The following XRCC4 variants were observed in gnomAD, a reference collection of about 807,000 sequenced individuals.
The protein encoded by XRCC4 is X-ray repair cross complementing 4, also known as DNA repair protein XRCC4.
XRCC4 carries 28 observed loss-of-function variants against 39.1 expected under a neutral mutation model. The ratio of observed to expected loss-of-function variants is 0.72; its 90% CI spans 0.53 to 0.98. XRCC4 has a LOEUF of 0.98. Among genes scored for constraint, XRCC4 ranks in the 50% least tolerant of loss-of-function variants. The pLI, the probability that XRCC4 is intolerant of heterozygous loss-of-function variation, is 0.00. For missense variants in XRCC4, 350 were observed against 376.4 expected, an observed-to-expected ratio of 0.93 and a Z score of 0.58; for synonymous variants, 123 against 126.4, an observed-to-expected ratio of 0.97 and a Z score of 0.18.
At chr5:83,259,693 AT>A (rs1753682769) in intron 7 of XRCC4, among the ~76,000 whole-genome samples, 1 of 152,222 alleles carries the variant, frequency 6.6e-6, no homozygotes, top group African/African-American at 2.4e-5. Flanking sequence ...CATTCATATT[AT>A]CATATACTGG....
At chr5:83,126,130 T>A (rs1747252434) in intron 3 of XRCC4, among the ~76,000 whole-genome samples, 1 of 151,746 alleles carries the variant, frequency 6.6e-6, no homozygotes, top group African/African-American at 2.4e-5. Context: ...TTAAAAAAAT[T>A]GAGTCATAGA....
At chr5:83,251,776 G>A (rs1753327985) in intron 6 of XRCC4, among the ~76,000 whole-genome samples, 2 of 152,088 alleles carry the variant, frequency 1.3e-5, no homozygotes, top group South Asian at 4.1e-4. Context: ...TAAGAGAGGA[G>A]GCTGACATTT....
downstream of XRCC4, among the ~76,000 whole-genome samples, chr5:83,354,748 C>G (rs1757170695): frequency 6.6e-6 from 1 of 152,110 alleles, no homozygotes; most frequent in Admixed American, 6.6e-5. Flanking sequence ...AAGCTAAAAA[C>G]CCAGGAATCT....
the XRCC4 span, among the ~76,000 whole-genome samples, chr5:83,359,140 C>T: frequency 3.3e-4 from 50 of 152,236 alleles, no homozygotes; most frequent in South Asian, 7.7e-3. Flanking sequence ...GCAAATGACC[C>T]ACGCTGCAGT....
rs539042042 is a variant in XRCC4 at position 83,227,981 on chromosome 5, A to G, written c.745+23060A>G. Among the ~76,000 whole-genome samples the G allele has an allele frequency of 1.7e-3, 252 of 152,160 alleles. 1 individual carries two copies. Among genetic ancestry groups the G allele is most frequent in the Non-Finnish European group, 1.6e-3 (108 of 67,964 alleles). The stretch of plus-strand genomic sequence containing the variant: ...AAGGTGTCCTCTCTGAGAATGAACA[A>G]AAATGGTTTTCTTTAAGGGGAGGAG... On this transcript the variant is annotated intron_variant, in intron 6 of 7. Transcript: ENST00000396027.
At chr5:83,097,772 G>A (rs1040672896) in intron 1 of XRCC4, among the ~76,000 whole-genome samples, 32 of 152,078 alleles carry the variant, frequency 2.1e-4, no homozygotes, top group African/African-American at 6.0e-4. Context: ...TCATTCTCAC[G>A]TGAAACTGCA....
At chr5:83,245,478 T>C (rs1753066530) in intron 6 of XRCC4, among the ~76,000 whole-genome samples, 1 of 152,080 alleles carries the variant, frequency 6.6e-6, no homozygotes, top group Non-Finnish European at 1.5e-5. Flanking sequence ...AATATGTAGC[T>C]ACTAGAAACC....
At chr5:83,105,171 A>G (rs1746139948) in intron 2 of XRCC4, 113 bp downstream of exon 2, 1 of 1,037,358 alleles carries the variant, frequency 9.6e-7, no homozygotes, top group Non-Finnish European at 1.4e-6. Context: ...TTTACTTGCT[A>G]TTGCTGTCAA....
intron 2 of XRCC4, among the ~76,000 whole-genome samples, chr5:83,106,648 G>T: frequency 6.6e-6 from 1 of 151,692 alleles, no homozygotes; most frequent in African/African-American, 2.4e-5. Flanking sequence ...TTACATTTAT[G>T]GAACATTTCG....
chr5:83,186,773 A>AC (rs1750457214), intron 3 of XRCC4, among the ~76,000 whole-genome samples: 2 of 152,104 alleles, frequency 1.3e-5, no homozygotes, highest in Non-Finnish European at 2.9e-5. Flanking sequence ...ACTTAACATA[A>AC]ATATATATTT....
At chr5:83,084,611 A>G (rs527243921) in intron 1 of XRCC4, among the ~76,000 whole-genome samples, 1 of 152,222 alleles carries the variant, frequency 6.6e-6, no homozygotes, top group South Asian at 2.1e-4. Flanking sequence ...GGGAAATCCC[A>G]GAGTGTTTAA....
At position 83,199,215 on chromosome 5, in the gene XRCC4, T is replaced by C. The variant is rs557797204; in HGVS notation, c.482+3279T>C. ...AAAGACCTCAAGAGATATCTTCATCTCCTCTTGATAGCCCGTTACAGTGTT... is the reference window on the plus strand; with the variant it reads ...AAAGACCTCAAGAGATATCTTCATCCCCTCTTGATAGCCCGTTACAGTGTT... On this transcript the variant is annotated intron_variant, in intron 4 of 7. Transcript: ENST00000396027. Among the ~76,000 whole-genome samples, 5 of 152,244 alleles carry C rather than the reference T, an allele frequency of 3.3e-5. No homozygotes were observed. The South Asian group carries it at 6.2e-4, about 19-fold the overall frequency.
At position 83,105,154 on chromosome 5, in the gene XRCC4, T is replaced by C. The variant is rs1055654373; in HGVS notation, c.139+96T>C. The C allele has an allele frequency of 4.8e-6, 6 of 1,247,980 alleles. No individual in the cohort carries two copies. The Admixed American group carries it at 1.1e-4, about 22-fold the overall frequency. 77.3% of individuals were successfully genotyped at this position (1,247,980 alleles called of 1,614,324 possible). On this transcript the variant is annotated intron_variant, in intron 2 of 7. Coordinates refer to ENST00000396027, the MANE Select transcript of XRCC4 (RefSeq NM_003401.5). Reference sequence around the variant, plus strand: ...TCCATTAGATATTGGGTAAAACTGATATTAATTTTACTTGCTATTGCTGTC... The same window carrying C: ...TCCATTAGATATTGGGTAAAACTGACATTAATTTTACTTGCTATTGCTGTC...
intron 6 of XRCC4, among the ~76,000 whole-genome samples, chr5:83,208,432 A>C (rs1751502268): frequency 6.6e-6 from 1 of 152,076 alleles, no homozygotes; most frequent in African/African-American, 2.4e-5. Flanking sequence ...TATTTACCGT[A>C]TTCACTCTAG....
intron 7 of XRCC4, among the ~76,000 whole-genome samples, chr5:83,324,833 A>G (rs1756195070): frequency 6.6e-6 from 1 of 152,176 alleles, no homozygotes; most frequent in Non-Finnish European, 1.5e-5. Context: ...TAATATGCAT[A>G]GAATCACCAT....
intron 7 of XRCC4, among the ~76,000 whole-genome samples, chr5:83,279,068 A>T (rs1324868535): frequency 6.8e-6 from 1 of 145,994 alleles, no homozygotes; most frequent in Non-Finnish European, 1.5e-5. Flanking sequence ...AATATATATA[A>T]TAAAATATAA....
At position 83,353,201 on chromosome 5, in the gene XRCC4, C is replaced by A. The variant is rs1554076784; in HGVS notation, c.964C>A (p.Leu322Met). The change falls in exon 8 of 8, where the codon CTG becomes ATG. Residue 322 changes from leucine (L) to methionine (M), a missense_variant. Physicochemically the swap from Leu to Met is conservative, Grantham distance 15. Coordinates refer to ENST00000396027, the MANE Select transcript of XRCC4 (RefSeq NM_003401.5). ...AGCTGAAAACATGTCTTTAGAAACT[C>A]TGAGAAACAGCAGCCCAGAAGACCT... ...ISAENMSLET[L>M]RNSSPEDLFD... 1.2e-6 allele frequency: 2 copies of A among 1,612,360 alleles called. No individual in the cohort carries two copies. Among genetic ancestry groups the A allele is most frequent in the Non-Finnish European group, 1.7e-6 (2 of 1,179,114 alleles).
At chr5:83,124,953 A>G (rs1406302690) in intron 3 of XRCC4, among the ~76,000 whole-genome samples, 1 of 152,070 alleles carries the variant, frequency 6.6e-6, no homozygotes, top group Non-Finnish European at 1.5e-5. Flanking sequence ...ACTATTTTAC[A>G]TTCTTACCAG....
Position 83,153,397 on chromosome 5 carries a change from G to A in XRCC4, c.315+42194G>A, listed in dbSNP as rs375470429. Among the ~76,000 whole-genome samples the A allele has an allele frequency of 2.6e-5, 4 of 151,698 alleles. No individual in the cohort carries two copies. The South Asian group carries it at 6.2e-4, about 24-fold the overall frequency. On this transcript the variant is annotated intron_variant, in intron 3 of 7. Transcript: ENST00000396027. The stretch of plus-strand genomic sequence containing the variant: ...CTAATTTTTGTATTTTAGTAGATAG[G>A]GTTTCACCACGTTGGCCAGACTTGT...
Sources: gnomAD v4.1 joint callset for allele counts (sites outside exome capture counted in the v4.1 genomes callset) on GRCh38, gnomAD v4.1.1 for gene constraint, MANE v1.5 for transcripts, NCBI Gene and HGNC (gene_info 2026-07-23, HGNC 2026-07-21) for gene names.